MIA2: variants seen among roughly 807,000 people sequenced by gnomAD.
The protein encoded by MIA2 is melanoma inhibitory activity protein 2.
A neutral mutation model predicts 167.8 loss-of-function variants in MIA2; 127 were observed. The observed-to-expected ratio is 0.76, with a 90% CI of 0.66 to 0.88. MIA2 has a LOEUF of 0.88. MIA2 is among the 40% of genes least tolerant of loss of function. The probability of loss-of-function intolerance (pLI) is 0.00; values close to 1 mark genes in which losing one functional copy is unlikely to be tolerated. For missense variants in MIA2, 1,690 were observed against 1,624.7 expected, an observed-to-expected ratio of 1.04 and a Z score of -0.69; for synonymous variants, 552 against 541.9, an observed-to-expected ratio of 1.02 and a Z score of -0.26.
intron 23 of MIA2, among the ~76,000 whole-genome samples, chr14:39,320,107 T>C (rs6571919): frequency 0.56 from 83,048 of 149,096 alleles, 24,432 homozygotes; most frequent in South Asian, 0.67. Context: ...AGAAGGATTT[T>C]TTTTTGTCTG....
intron 23 of MIA2, among the ~76,000 whole-genome samples, chr14:39,367,229 C>T (rs573591739): frequency 2.0e-5 from 3 of 152,216 alleles, no homozygotes; most frequent in African/African-American, 7.2e-5. Context: ...AGAGTGTTGG[C>T]GACCCTGTCA....
At chr14:39,272,774 T>G (rs11621330) in intron 6 of MIA2, among the ~76,000 whole-genome samples, 83,242 of 152,082 alleles carry the variant, frequency 0.55, 24,521 homozygotes, top group South Asian at 0.66. Context: ...AACAAAGAAG[T>G]CTTCCAGCCC....
At position 39,252,953 on chromosome 14, in the gene MIA2, T is replaced by C; in HGVS notation, c.1773T>C (p.Tyr591=). 6.2e-7 allele frequency: 1 copy of C among 1,605,828 alleles called. No homozygotes were observed. Among genetic ancestry groups the C allele is most frequent in the Non-Finnish European group, 8.5e-7 (1 of 1,175,202 alleles). The stretch of plus-strand genomic sequence containing the variant: ...ATAACTCTTTGTCTTCTCAAAATTA[T>C]ATTTCTCAGAAAGGTAAGAAACAGG... ...STDNSLSSQN[Y]ISQKEDASEF... is the part of the protein sequence containing the mutation. The change falls in exon 5 of 29, where the codon TAT becomes TAC. Residue 591 remains tyrosine (Y), a synonymous_variant. Transcript: ENST00000640607.
Position 39,253,116 on chromosome 14 carries a change from A to T in MIA2, c.1832A>T (p.Asp611Val), listed in dbSNP as rs1401622886. The T allele has an allele frequency of 6.2e-7, 1 of 1,605,866 alleles. No individual in the cohort carries two copies. The highest frequency in any genetic ancestry group is 1.7e-5 in the Admixed American group (1 of 58,534). Residue 611 changes from aspartate (D) to valine (V), a missense_variant, in exon 6 of 29, where the codon GAT becomes GTT. Asp to Val is a radical substitution (Grantham distance 152). Transcript: ENST00000640607. ...FQILKYLFQI[D>V]VYDFMNSAFS... ...ATTCTGAAATACTTATTCCAAATTG[A>T]TGTTTATGATTTCATGAATTCTGCA...
intron 19 of MIA2, among the ~76,000 whole-genome samples, 190 bp from the exon 20 acceptor site, chr14:39,314,549 T>A (rs773120888): frequency 6.6e-6 from 1 of 150,754 alleles, no homozygotes; most frequent in Non-Finnish European, 1.5e-5. Context: ...AAAATTAGTT[T>A]AGGAAAAAAT....
intron 6 of MIA2, among the ~76,000 whole-genome samples, chr14:39,274,755 C>A: frequency 6.6e-6 from 1 of 151,382 alleles, no homozygotes; most frequent in East Asian, 1.9e-4. Context: ...TTTCTCCAGT[C>A]TGCCAGATCT....
intron 13 of MIA2, among the ~76,000 whole-genome samples, chr14:39,298,413 T>TTATTTATATATA (rs2061749382): frequency 3.8e-5 from 1 of 26,138 alleles, no homozygotes; most frequent in African/African-American, 1.4e-4. Flanking sequence ...TGATTCTGTT[T>TTATTTATATATA]TATATATATA....
intron 4 of MIA2, 96 bp downstream of exon 4, chr14:39,248,237 G>A (rs1297397829): frequency 1.8e-5 from 18 of 983,042 alleles, no homozygotes; most frequent in Admixed American, 3.8e-5. Context: ...AGGAATCCAC[G>A]TTTTTCAGAA....
At chr14:39,245,390 A>C (rs1000877072) in intron 3 of MIA2, among the ~76,000 whole-genome samples, 2 of 151,328 alleles carry the variant, frequency 1.3e-5, no homozygotes, top group African/African-American at 4.9e-5. Context: ...AAAAAGAAAT[A>C]TTGCAAAAAA....
downstream of MIA2, among the ~76,000 whole-genome samples, chr14:39,355,945 C>G (rs574304141): frequency 6.6e-6 from 1 of 152,070 alleles, no homozygotes; most frequent in African/African-American, 2.4e-5. Context: ...GCTGTGGATT[C>G]GGTTTGCCAG....
intron 9 of MIA2, among the ~76,000 whole-genome samples, chr14:39,280,045 GGTGT>G (rs55700694): frequency 1.7e-5 from 2 of 120,640 alleles, no homozygotes; most frequent in Admixed American, 8.0e-5. Flanking sequence ...TGCAGTTGAG[GGTGT>G]GTGTGTGTGT....
intron 9 of MIA2, among the ~76,000 whole-genome samples, chr14:39,290,754 T>C (rs955747455): frequency 6.6e-6 from 1 of 152,372 alleles, no homozygotes; most frequent in South Asian, 2.1e-4. Flanking sequence ...ATATGAGTTA[T>C]AGTCCTATGT....
intron 10 of MIA2, 72 bp downstream of exon 10, chr14:39,291,168 ATC>A: frequency 7.5e-7 from 1 of 1,335,686 alleles, no homozygotes; most frequent in Non-Finnish European, 1.0e-6. Flanking sequence ...TTAAAAATGT[ATC>A]TTCTGAAAAC....
chr14:39,287,384 CT>C (rs2059969603), intron 9 of MIA2, among the ~76,000 whole-genome samples: 1 of 151,426 alleles, frequency 6.6e-6, no homozygotes, highest in African/African-American at 2.4e-5. Context: ...CCTTCCAGTA[CT>C]GTTTTGAATA....
chr14:39,369,576 C>T (rs2074893292), intron 23 of MIA2, among the ~76,000 whole-genome samples: 1 of 152,148 alleles, frequency 6.6e-6, no homozygotes, highest in Non-Finnish European at 1.5e-5. Flanking sequence ...CAACCTAATC[C>T]TCTCTGCTCC....
chr14:39,246,399 A>C (rs929307587), intron 3 of MIA2, among the ~76,000 whole-genome samples: 1 of 152,110 alleles, frequency 6.6e-6, no homozygotes, highest in African/African-American at 2.4e-5. Flanking sequence ...ACCTGGCCCC[A>C]AAATTCCAAC....
At chr14:39,341,825 A>C (rs909893673) in intron 25 of MIA2, among the ~76,000 whole-genome samples, 3 of 152,174 alleles carry the variant, frequency 2.0e-5, no homozygotes, top group Non-Finnish European at 2.9e-5. Flanking sequence ...ATAGTTTATA[A>C]TCATAACAAG....
chr14:39,265,930 A>G, intron 6 of MIA2: 1 of 979,532 alleles, frequency 1.0e-6, no homozygotes, highest in South Asian at 4.7e-5. Flanking sequence ...GGCTACTCTG[A>G]TATTAGCATT....
chr14:39,372,082 C>T (rs190477407), intron 23 of MIA2, among the ~76,000 whole-genome samples: 3 of 152,140 alleles, frequency 2.0e-5, no homozygotes, highest in East Asian at 3.9e-4. Flanking sequence ...TCGGGAGCTT[C>T]CCCCTGTGGC....
Sources: gnomAD v4.1 joint callset for allele counts (sites outside exome capture counted in the v4.1 genomes callset) on GRCh38, gnomAD v4.1.1 for gene constraint, MANE v1.5 for transcripts, NCBI Gene and HGNC (gene_info 2026-07-23, HGNC 2026-07-21) for gene names.